Variants in QRICH2 observed in about 807,000 individuals in gnomAD.
The protein encoded by QRICH2 is glutamine-rich protein 2.
A neutral mutation model predicts 168.3 loss-of-function variants in QRICH2; 119 were observed. That is an observed-to-expected ratio of 0.71 (90% confidence interval 0.61 to 0.82). QRICH2 has a LOEUF of 0.82. QRICH2 is among the 40% of genes least tolerant of loss of function. The pLI is 0.00. For synonymous variants in QRICH2, 894 were observed against 951.2 expected, an observed-to-expected ratio of 0.94 and a Z score of 1.11; for missense variants, 2,241 against 2,491.6, an observed-to-expected ratio of 0.90 and a Z score of 2.14.
Position 76,291,844 on chromosome 17 carries a change from C to T in QRICH2, c.2883G>A (p.Leu961=), listed in dbSNP as rs2070999378. Residue 961 remains leucine (L), a synonymous_variant, in exon 4 of 19, where the codon CTG becomes CTA. Coordinates refer to ENST00000680821, the MANE Select transcript of QRICH2 (RefSeq NM_001388453.1). The part of the protein sequence containing the change: ...LSQSGTYPRG[L]VQPGMDQYGL... The stretch of plus-strand genomic sequence containing the variant: ...CATACTGATCCATTCCTGGCTGCAC[C>T]AGACCACGTGGATATGTCCCAGATT... 1.2e-6 allele frequency: 2 copies of T among 1,614,054 alleles called. No homozygotes were observed. Among genetic ancestry groups the T allele is most frequent in the Admixed American group, 1.7e-5 (1 of 60,002 alleles).
chr17:76,282,770 T>C (rs2070813119), intron 7 of QRICH2, among the ~76,000 whole-genome samples: 1 of 152,132 alleles, frequency 6.6e-6, no homozygotes, highest in African/African-American at 2.4e-5. Context: ...GGGCAGCCGG[T>C]CCCTCAACTG....
rs543861917 is a variant in QRICH2, at chr17:76,276,536, G to A, written c.5353+144C>T. The A allele has an allele frequency of 3.1e-5, 19 of 617,806 alleles. 1 individual carries two copies. The South Asian group carries it at 3.4e-4, about 11-fold the overall frequency. 38.3% of individuals were successfully genotyped at this position (617,806 alleles called of 1,614,324 possible). A position where few individuals can be genotyped will look rare whatever the true frequency, so the allele number is the denominator to read the frequency against. ...GTGAACATTTACTTGGTGGCTTTTCGAGAGACCTGCACATTTGGAGTGAGG... is the reference window on the plus strand; with the variant it reads ...GTGAACATTTACTTGGTGGCTTTTCAAGAGACCTGCACATTTGGAGTGAGG... On this transcript the variant is annotated intron_variant, in intron 17 of 18. Transcript: ENST00000680821.
chr17:76,277,417 C>T (rs1373923358), intron 15 of QRICH2, 107 bp from the exon 16 acceptor site: 25 of 1,320,760 alleles, frequency 1.9e-5, no homozygotes, highest in Middle Eastern at 1.8e-4. Flanking sequence ...AGCTTCTCTT[C>T]GGGGGCTGCC....
At position 76,282,086 on chromosome 17, in the gene QRICH2, G is replaced by A; in HGVS notation, c.4041C>T (p.Ser1347=). ...GGAGCGTGGAGGAGGAGGTCAGCAT[G>A]CTCTCAATGATCATCCTGAGCTTGT... ...QLDKLRMIIE[S]MLTSSSTLLS... The change falls in exon 8 of 19, where the codon AGC becomes AGT. Residue 1347 remains serine (S), a synonymous_variant. Transcript: ENST00000680821. 1 of 1,609,798 alleles carries A rather than the reference G, an allele frequency of 6.2e-7. No individual in the cohort carries two copies. The highest frequency in any genetic ancestry group is 2.2e-5 in the East Asian group (1 of 44,728).
Position 76,308,086 on chromosome 17 carries a change from G to A in QRICH2, c.-88C>T, listed in dbSNP as rs1157631603. 4.4e-5 allele frequency: 54 copies of A among 1,226,364 alleles called. No homozygotes were observed. The highest frequency in any genetic ancestry group is 5.4e-5 in the Non-Finnish European group (53 of 984,996). 76.0% of individuals were successfully genotyped at this position (1,226,364 alleles called of 1,614,324 possible). On this transcript the variant is annotated 5_prime_UTR_variant, in exon 1 of 19. Transcript: ENST00000680821. The stretch of plus-strand genomic sequence containing the variant: ...CGCCGCGCCTTGGGGCCTTTCGGGG[G>A]CCCTGCGAGGTCCTCGGGGCGCCCC...
intron 3 of QRICH2, among the ~76,000 whole-genome samples, chr17:76,296,777 C>CAAAAA (rs758967969): frequency 1.1e-5 from 1 of 90,822 alleles, no homozygotes; most frequent in Non-Finnish European, 2.2e-5. Context: ...GGCTCTGTCT[C>CAAAAA]AAAAAAAAAA....
At chr17:76,278,829 C>T (rs2070735485) in intron 14 of QRICH2, among the ~76,000 whole-genome samples, 2 of 152,276 alleles carry the variant, frequency 1.3e-5, no homozygotes, top group Admixed American at 1.3e-4. Context: ...GCCTCCTACG[C>T]TCATGCCTTG....
Position 76,277,279 on chromosome 17 carries a change from T to G in QRICH2, c.5149A>C (p.Thr1717Pro). 3.7e-6 allele frequency: 6 copies of G among 1,606,756 alleles called. No individual in the cohort carries two copies. The highest frequency in any genetic ancestry group is 4.2e-6 in the Non-Finnish European group (5 of 1,177,922). Residue 1717 changes from threonine (T) to proline (P), a missense_variant, in exon 16 of 19, where the codon ACT (threonine) becomes CCT (proline). By Grantham distance (38) the Thr-to-Pro change is conservative. Transcript: ENST00000680821. ...VTDMADYTYS[T>P]VPRRCGGSHT... Reference sequence around the variant, plus strand: ...CTGCCCCCGCAGCGCCGGGGCACAGTTGAGTAGGTGTAATCAGCCATATCT... The same window carrying G: ...CTGCCCCCGCAGCGCCGGGGCACAGGTGAGTAGGTGTAATCAGCCATATCT...
chr17:76,279,180 G>T, intron 13 of QRICH2, 38 bp from the exon 14 acceptor site: 1 of 1,538,060 alleles, frequency 6.5e-7, no homozygotes, highest in Non-Finnish European at 8.9e-7. Flanking sequence ...GGGTCAGAGT[G>T]GGACAAGTCC....
At chr17:76,299,734 C>CA (rs2070864162) in intron 3 of QRICH2, among the ~76,000 whole-genome samples, 1 of 151,430 alleles carries the variant, frequency 6.6e-6, no homozygotes, top group Non-Finnish European at 1.5e-5. Flanking sequence ...AAGACTGTCT[C>CA]AAAAAACAAA....
chr17:76,289,889 T>G, intron 5 of QRICH2, 103 bp downstream of exon 5: 1 of 696,620 alleles, frequency 1.4e-6, no homozygotes, highest in South Asian at 1.5e-5. Flanking sequence ...GAGGTGGAGG[T>G]TGAGTGAGCT....
chr17:76,276,556 G>A, intron 17 of QRICH2, 124 bp downstream of exon 17: 1 of 668,490 alleles, frequency 1.5e-6, no homozygotes, highest in Non-Finnish European at 2.6e-6. Flanking sequence ...CACATTTGGA[G>A]TGAGGGGAAT....
chr17:76,298,773 GCCCGGC>G (rs2070847471), intron 3 of QRICH2, among the ~76,000 whole-genome samples: 1 of 151,746 alleles, frequency 6.6e-6, no homozygotes, highest in Admixed American at 6.6e-5. Flanking sequence ...ATGCCACCAC[GCCCGGC>G]TAATTTTTAT....
In QRICH2 at chr17:76,289,980, A is replaced by G. The variant is rs368762133; in HGVS notation, c.3798+12T>C. The G allele has an allele frequency of 1.7e-5, 27 of 1,569,218 alleles. No individual in the cohort carries two copies. The highest frequency in any genetic ancestry group is 2.3e-5 in the Non-Finnish European group (26 of 1,149,924). On this transcript the variant is annotated intron_variant, in intron 5 of 18. Coordinates refer to ENST00000680821, the MANE Select transcript of QRICH2 (RefSeq NM_001388453.1). The stretch of plus-strand genomic sequence containing the variant: ...AAAAAAAAAAAGACAAAGTGGGTTG[A>G]CTCTTCCTTACTTTTGCTTTCTCCT...
Position 76,301,870 on chromosome 17 carries a change from TTTTGTGTGTGTGTGTGTG to T in QRICH2, c.705+2527_705+2544del, listed in dbSNP as rs1193045816. Among the ~76,000 whole-genome samples, 188 of 105,278 alleles carry T rather than the reference TTTTGTGTGTGTGTGTGTG, an allele frequency of 1.8e-3. 2 individuals carry two copies. Among genetic ancestry groups the T allele is most frequent in the East Asian group, 8.2e-4 (3 of 3,650 alleles). The allele number at this position is 105,278 out of a possible 152,430, so 69.1% of individuals were successfully genotyped here. The stretch of plus-strand genomic sequence containing the variant: ...GGCTCCTGCCACCACACCTGGCTAA[TTTTGTGTGTGTGTGTGTG>T]TGTGTGTGTGTGTGTGTGTGTGTGT... On this transcript the variant is annotated intron_variant, in intron 3 of 18. Transcript: ENST00000680821.
rs76741310 is a variant in QRICH2 at position 76,307,441 on chromosome 17, G to A, written c.534+24C>T. 1,755 of 1,612,624 alleles carry A rather than the reference G, an allele frequency of 1.1e-3. 18 individuals are homozygous for A. The African/African-American group carries it at 0.02, about 19-fold the overall frequency. On this transcript the variant is annotated intron_variant, in intron 1 of 18. Transcript: ENST00000680821. This position sits in a 1 kb window ranked among gnomAD's most constrained non-coding sequence, Gnocchi z 5.3. ...GGCCTGGAGGAGGCAGACGGCCTGCGCGTGCCTCCGTGTGCGTGCTCACCC... is the reference window on the plus strand; with the variant it reads ...GGCCTGGAGGAGGCAGACGGCCTGCACGTGCCTCCGTGTGCGTGCTCACCC...
At position 76,306,371 on chromosome 17, in the gene QRICH2, C is replaced by T. The variant is rs115653744; in HGVS notation, c.534+1094G>A. On this transcript the variant is annotated intron_variant, in intron 1 of 18. Transcript: ENST00000680821. ...CTGGGGCTTGGCCTCTTCTTCCTGC[C>T]TCTTCCCGGCCTCTTTTTCCCCTCC... 5.7e-3 allele frequency among the ~76,000 whole-genome samples: 870 copies of T among 152,146 alleles called. 7 individuals are homozygous for T. Among genetic ancestry groups the T allele is most frequent in the African/African-American group, 0.02 (828 of 41,510 alleles).
Position 76,307,956 on chromosome 17 carries a change from G to A in QRICH2, c.43C>T (p.Leu15Phe). 8.1e-7 allele frequency: 1 copy of A among 1,234,632 alleles called. No individual in the cohort carries two copies. 76.5% of individuals were successfully genotyped at this position (1,234,632 alleles called of 1,614,324 possible). ...TTVSLRELAD[L>F]SIGTPEVGAV... ...CCCACCTCTGGCGTGCCGATGGAGA[G>A]GTCCGCCAGCTCCCGGAGGGAGACC... Residue 15 changes from leucine (L) to phenylalanine (F), a missense_variant, in exon 1 of 19, where the codon CTC becomes TTC. Physicochemically the swap from Leu to Phe is conservative, Grantham distance 22. This residue lies in a region of QRICH2 where 2,047 missense variants were observed against 2,303.8 expected (regional missense o/e 0.89). Coordinates refer to ENST00000680821, the MANE Select transcript of QRICH2 (RefSeq NM_001388453.1). This position sits in a 1 kb window ranked among gnomAD's most constrained non-coding sequence, Gnocchi z 5.3.
chr17:76,309,280 C>T (rs189919815), upstream of QRICH2, among the ~76,000 whole-genome samples: 25 of 148,962 alleles, frequency 1.7e-4, no homozygotes, highest in Non-Finnish European at 2.8e-4. Context: ...CGCGTCAACC[C>T]GGGAGGCAGA....
Sources: gnomAD v4.1 joint callset for allele counts (sites outside exome capture counted in the v4.1 genomes callset) on GRCh38, gnomAD v4.1.1 for gene constraint, gnomAD v4.1.1 regional missense constraint, Gnocchi (gnomAD v3.1) non-coding constraint, MANE v1.5 for transcripts, NCBI Gene and HGNC (gene_info 2026-07-23, HGNC 2026-07-21) for gene names.